The following PRRX1 variants were observed in gnomAD, a reference collection of about 807,000 sequenced individuals.
PRRX1 encodes the protein paired mesoderm homeobox protein 1.
In PRRX1, 8 loss-of-function variants were observed where a neutral mutation model predicts 24.0. The ratio of observed to expected loss-of-function variants is 0.33; its 90% CI spans 0.20 to 0.60. The LOEUF (loss-of-function observed/expected upper bound fraction) is 0.60. Among genes scored for constraint, PRRX1 ranks in the 20% least tolerant of loss-of-function variants. The pLI, the probability that PRRX1 is intolerant of heterozygous loss-of-function variation, is 0.82. For synonymous variants in PRRX1, 160 were observed against 131.7 expected, an observed-to-expected ratio of 1.22 and a Z score of -1.47; for missense variants, 281 against 322.4, an observed-to-expected ratio of 0.87 and a Z score of 0.98.
chr1:170,708,685 A>G (rs549259216), intron 1 of PRRX1, among the ~76,000 whole-genome samples: 2 of 152,286 alleles, frequency 1.3e-5, no homozygotes, highest in Admixed American at 1.3e-4. Flanking sequence ...AAAGTCAAAC[A>G]TTTACTGAGC....
intron 3 of PRRX1, among the ~76,000 whole-genome samples, chr1:170,733,745 A>G (rs1476932857): frequency 6.6e-6 from 1 of 152,152 alleles, no homozygotes; most frequent in Admixed American, 6.6e-5. Context: ...TCCCAAATCC[A>G]ATAGTCTTTT....
intron 1 of PRRX1, among the ~76,000 whole-genome samples, chr1:170,673,718 T>G (rs1419224607): frequency 6.6e-6 from 1 of 152,220 alleles, no homozygotes; most frequent in African/African-American, 2.4e-5. Context: ...TCCTACAGCT[T>G]TCCCTGTTTT....
At chr1:170,664,088 C>CCTCTCT (rs58408113), upstream of PRRX1, 1,762 of 665,232 alleles carry the variant, frequency 2.6e-3, 5 homozygotes, top group East Asian at 0.038. Context: ...CCTCTTCCTC[C>CCTCTCT]CTCTCTCTCT....
intron 2 of PRRX1, among the ~76,000 whole-genome samples, chr1:170,722,344 A>G (rs181813290): frequency 1.2e-3 from 184 of 152,298 alleles, no homozygotes; most frequent in African/African-American, 4.3e-3. Context: ...TGTTTTATTC[A>G]TCTTTGCAAC....
intron 1 of PRRX1, among the ~76,000 whole-genome samples, chr1:170,710,469 A>G (rs761409161): frequency 1.3e-5 from 2 of 152,162 alleles, no homozygotes; most frequent in Non-Finnish European, 2.9e-5. Flanking sequence ...AGCCATTTCC[A>G]CTATTGCTCC....
At chr1:170,720,553 A>C (rs1655049378) in intron 2 of PRRX1, among the ~76,000 whole-genome samples, 1 of 152,096 alleles carries the variant, frequency 6.6e-6, no homozygotes, top group Admixed American at 6.5e-5. Context: ...TTTACTCTGC[A>C]CCCTTAGATT....
intron 3 of PRRX1, among the ~76,000 whole-genome samples, chr1:170,735,138 T>A (rs1431990938): frequency 6.6e-6 from 1 of 152,240 alleles, no homozygotes; most frequent in Non-Finnish European, 1.5e-5. Flanking sequence ...ATTAAGTCTA[T>A]GAAACCATTT....
At chr1:170,698,909 A>G (rs1036331100) in intron 1 of PRRX1, among the ~76,000 whole-genome samples, 2 of 152,174 alleles carry the variant, frequency 1.3e-5, no homozygotes, top group African/African-American at 2.4e-5. Flanking sequence ...GCTATTAGCT[A>G]GCTGTCTAAT....
At position 170,737,247 on chromosome 1, in the gene PRRX1, C is replaced by T. The variant is rs1655643725; in HGVS notation, c.*1061C>T. 5.5e-6 allele frequency: 1 copy of T among 180,188 alleles called. No homozygotes were observed. The highest frequency in any genetic ancestry group is 2.0e-4 in the South Asian group (1 of 5,058). The allele number at this position is 180,188 out of a possible 1,614,324, so 11.2% of individuals were successfully genotyped here. On this transcript the variant is annotated 3_prime_UTR_variant, in exon 4 of 4. Coordinates refer to ENST00000239461, the MANE Select transcript of PRRX1 (RefSeq NM_022716.4). Reference sequence around the variant, plus strand: ...AAAAGCAAATTACACACCCTCACCACTGTTCTTATCTCTATAGTGATGAAA... The same window carrying T: ...AAAAGCAAATTACACACCCTCACCATTGTTCTTATCTCTATAGTGATGAAA...
At chr1:170,705,625 A>C in intron 1 of PRRX1, among the ~76,000 whole-genome samples, 1 of 152,070 alleles carries the variant, frequency 6.6e-6, no homozygotes, top group East Asian at 1.9e-4. Context: ...TTTACTGCTA[A>C]GTTCAGCAGG....
chr1:170,700,959 G>T (rs561160500), intron 1 of PRRX1, among the ~76,000 whole-genome samples: 1 of 152,228 alleles, frequency 6.6e-6, no homozygotes, highest in African/African-American at 2.4e-5. Flanking sequence ...CTATTTTTCT[G>T]AACTCTTGAA....
chr1:170,675,008 T>G (rs909330869), intron 1 of PRRX1, among the ~76,000 whole-genome samples: 7 of 152,238 alleles, frequency 4.6e-5, no homozygotes, highest in Admixed American at 3.9e-4. Context: ...TAACCCCATT[T>G]TCAAAGACTG....
At chr1:170,694,616 C>T (rs1654105304) in intron 1 of PRRX1, among the ~76,000 whole-genome samples, 1 of 152,064 alleles carries the variant, frequency 6.6e-6, no homozygotes. Context: ...GGGAAATGTG[C>T]CCACAGTATT....
chr1:170,668,882 G>C (rs1427981911), intron 1 of PRRX1: 1 of 152,094 alleles, frequency 6.6e-6, no homozygotes, highest in Non-Finnish European at 1.5e-5. Context: ...AAGCTTTAAG[G>C]GTAGCTTGGA....
At chr1:170,667,481 G>A (rs951170426) in intron 1 of PRRX1, 1 of 152,222 alleles carries the variant, frequency 6.6e-6, no homozygotes, top group African/African-American at 2.4e-5. Context: ...AAGCGTCCAG[G>A]GGAACCCGCA....
chr1:170,729,700 T>C (rs1274456691), intron 3 of PRRX1, among the ~76,000 whole-genome samples: 1 of 152,166 alleles, frequency 6.6e-6, no homozygotes, highest in Non-Finnish European at 1.5e-5. Context: ...CCCTTGAGCA[T>C]GTTAGAGGTG....
intron 1 of PRRX1, among the ~76,000 whole-genome samples, chr1:170,706,077 A>C (rs1654559211): frequency 6.6e-6 from 1 of 152,212 alleles, no homozygotes; most frequent in Non-Finnish European, 1.5e-5. Flanking sequence ...CTTGTTAAGT[A>C]TTTGAATACC....
chr1:170,696,117 C>T (rs1417817022), intron 1 of PRRX1, among the ~76,000 whole-genome samples: 1 of 152,090 alleles, frequency 6.6e-6, no homozygotes, highest in African/African-American at 2.4e-5. Flanking sequence ...GTCACTCATT[C>T]AAGGTGCAAG....
intron 1 of PRRX1, among the ~76,000 whole-genome samples, chr1:170,714,630 A>T (rs1654849369): frequency 6.6e-6 from 1 of 152,210 alleles, no homozygotes; most frequent in Admixed American, 6.5e-5. Flanking sequence ...CTCCCACAGG[A>T]TGCAGAGCAG....
Sources: allele counts gnomAD v4.1 joint callset (sites outside exome capture counted in the v4.1 genomes callset), GRCh38; gene constraint gnomAD v4.1.1; transcripts MANE v1.5; gene names NCBI Gene and HGNC (gene_info 2026-07-23, HGNC 2026-07-21).